CDC42BPA: variants seen among roughly 807,000 people sequenced by gnomAD.
The protein encoded by CDC42BPA is serine/threonine-protein kinase MRCK alpha.
A neutral mutation model predicts 223.5 loss-of-function variants in CDC42BPA; 80 were observed. The ratio of observed to expected loss-of-function variants is 0.36; its 90% CI spans 0.30 to 0.43. The LOEUF is 0.43. Ranked by LOEUF, CDC42BPA falls within the 20% of genes least tolerant of loss-of-function variation. The pLI is 1.00. For missense variants in CDC42BPA, 1,743 were observed against 2,099.9 expected, an observed-to-expected ratio of 0.83 and a Z score of 3.32; for synonymous variants, 694 against 718.6, an observed-to-expected ratio of 0.97 and a Z score of 0.55.
At chr1:227,306,499 A>G (rs947785835) in intron 1 of CDC42BPA, among the ~76,000 whole-genome samples, 1 of 152,210 alleles carries the variant, frequency 6.6e-6, no homozygotes, top group Non-Finnish European at 1.5e-5. Context: ...GAAACTGTCA[A>G]CTTAGCATGT....
intron 1 of CDC42BPA, among the ~76,000 whole-genome samples, chr1:227,275,602 T>TCTCCCC (rs1686813894): frequency 1.6e-5 from 1 of 61,980 alleles, no homozygotes; most frequent in Non-Finnish European, 3.3e-5. Context: ...CCCCTCCCCC[T>TCTCCCC]CTCCCCCTCC....
chr1:227,069,750 A>C (rs1677888959), intron 21 of CDC42BPA, 27 bp downstream of exon 21: 2 of 1,482,100 alleles, frequency 1.3e-6, no homozygotes, highest in East Asian at 4.5e-5. Context: ...TTGACCCCAG[A>C]GGATATGTGA....
chr1:227,008,884 A>T (rs533002615), intron 34 of CDC42BPA, among the ~76,000 whole-genome samples: 1 of 152,260 alleles, frequency 6.6e-6, no homozygotes, highest in African/African-American at 2.4e-5. Context: ...TTTCTCTAAG[A>T]AAATAAAAAA....
At chr1:227,273,676 AC>A (rs1187989962) in intron 1 of CDC42BPA, among the ~76,000 whole-genome samples, 1 of 152,036 alleles carries the variant, frequency 6.6e-6, no homozygotes, top group Non-Finnish European at 1.5e-5. Flanking sequence ...GAATATTTTA[AC>A]CTGCTAAAAT....
intron 1 of CDC42BPA, among the ~76,000 whole-genome samples, chr1:227,284,067 A>G (rs1025598422): frequency 1.3e-5 from 2 of 152,152 alleles, no homozygotes; most frequent in African/African-American, 4.8e-5. Flanking sequence ...AAAAATATAT[A>G]TACTTTTTAA....
At chr1:227,309,183 T>C (rs1693081581) in intron 1 of CDC42BPA, among the ~76,000 whole-genome samples, 1 of 137,070 alleles carries the variant, frequency 7.3e-6, no homozygotes, top group Non-Finnish European at 1.5e-5. Context: ...GTGGACAACA[T>C]AGTGAGACCC....
chr1:227,238,121 G>A (rs950875627), intron 2 of CDC42BPA, among the ~76,000 whole-genome samples: 1 of 150,816 alleles, frequency 6.6e-6, no homozygotes, highest in Admixed American at 6.6e-5. Flanking sequence ...GGGAGGCATA[G>A]GCAGGAGGAT....
At chr1:227,136,416 T>C (rs141724033) in intron 10 of CDC42BPA, among the ~76,000 whole-genome samples, 3 of 152,244 alleles carry the variant, frequency 2.0e-5, no homozygotes, top group East Asian at 1.9e-4. Context: ...ATCTAACATA[T>C]ACACAATTAC....
chr1:227,038,929 CGAT>C (rs1467591445), intron 24 of CDC42BPA, among the ~76,000 whole-genome samples: 1 of 152,122 alleles, frequency 6.6e-6, no homozygotes, highest in Admixed American at 6.5e-5. Flanking sequence ...GAGAGCCAAA[CGAT>C]GATAGCACCT....
chr1:227,253,106 A>G (rs974557308), intron 2 of CDC42BPA, among the ~76,000 whole-genome samples: 1 of 152,164 alleles, frequency 6.6e-6, no homozygotes, highest in African/African-American at 2.4e-5. Flanking sequence ...GTGACTCAGT[A>G]GTATTGTTAA....
intron 21 of CDC42BPA, among the ~76,000 whole-genome samples, chr1:227,067,928 A>G (rs957839035): frequency 6.6e-6 from 1 of 152,124 alleles, no homozygotes; most frequent in African/African-American, 2.4e-5. Context: ...ATGCTTTAGG[A>G]CAAGAATTAC....
Position 227,028,807 on chromosome 1 carries a change from C to T in CDC42BPA, c.4282G>A (p.Ala1428Thr), listed in dbSNP as rs1488757441. The T allele has an allele frequency of 1.9e-6, 3 of 1,613,988 alleles. No homozygotes were observed. The highest frequency in any genetic ancestry group is 2.7e-5 in the African/African-American group (2 of 74,912). ...HSNDHTLSFI[A>T]HQPMDAICAV... The stretch of plus-strand genomic sequence containing the variant: ...CAGATAGCATCCATTGGTTGATGTG[C>T]AATAAATGATAGTGTATGGTCATTT... Residue 1428 changes from alanine to threonine, a missense_variant, in exon 30 of 37, where the codon GCA becomes ACA. Ala to Thr is a moderately conservative substitution (Grantham distance 58). This residue lies in a region of CDC42BPA where 678 missense variants were observed against 777.5 expected (regional missense o/e 0.87). Transcript: ENST00000366766.
At chr1:227,007,980 G>A (rs1375945293) in intron 34 of CDC42BPA, among the ~76,000 whole-genome samples, 1 of 152,148 alleles carries the variant, frequency 6.6e-6, no homozygotes, top group African/African-American at 2.4e-5. Context: ...CACCACCTCA[G>A]GGTCCTCAGC....
chr1:227,083,822 G>A (rs1283264059), intron 16 of CDC42BPA, among the ~76,000 whole-genome samples: 1 of 152,112 alleles, frequency 6.6e-6, no homozygotes, highest in African/African-American at 2.4e-5. Context: ...CTAAAATGTA[G>A]GCTTTCAATG....
At chr1:227,262,734 C>T (rs1355829296) in intron 1 of CDC42BPA, among the ~76,000 whole-genome samples, 1 of 152,192 alleles carries the variant, frequency 6.6e-6, no homozygotes, top group African/African-American at 2.4e-5. Flanking sequence ...ACTCTACCTC[C>T]TGTGACACAC....
At chr1:227,081,929 TAA>T (rs1680751349) in intron 16 of CDC42BPA, among the ~76,000 whole-genome samples, 1 of 152,216 alleles carries the variant, frequency 6.6e-6, no homozygotes, top group African/African-American at 2.4e-5. Flanking sequence ...TAATATCACA[TAA>T]ATAGTAATAG....
intron 14 of CDC42BPA, among the ~76,000 whole-genome samples, chr1:227,109,476 G>A (rs973467770): frequency 6.6e-6 from 1 of 151,806 alleles, no homozygotes; most frequent in Non-Finnish European, 1.5e-5. Flanking sequence ...GGCGATTCTC[G>A]TGCCTCAGCC....
intron 34 of CDC42BPA, among the ~76,000 whole-genome samples, chr1:227,007,128 T>C (rs1477840751): frequency 6.6e-6 from 1 of 152,266 alleles, no homozygotes; most frequent in Non-Finnish European, 1.5e-5. Context: ...TTTGTGACTT[T>C]TCCAAAGGAT....
At chr1:227,241,497 C>G (rs1465476401) in intron 2 of CDC42BPA, among the ~76,000 whole-genome samples, 1 of 152,054 alleles carries the variant, frequency 6.6e-6, no homozygotes, top group Non-Finnish European at 1.5e-5. Context: ...GTATACTGCT[C>G]AGTAATAAAA....
Sources: allele counts gnomAD v4.1 joint callset (sites outside exome capture counted in the v4.1 genomes callset), GRCh38; gene constraint gnomAD v4.1.1; regional missense constraint gnomAD v4.1.1; transcripts MANE v1.5; gene names NCBI Gene and HGNC (gene_info 2026-07-23, HGNC 2026-07-21).